SCAPER: variants seen among roughly 807,000 people sequenced by gnomAD.
The protein encoded by SCAPER is S phase cyclin A-associated protein in the endoplasmic reticulum.
A neutral mutation model predicts 182.2 loss-of-function variants in SCAPER; 98 were observed. The ratio of observed to expected loss-of-function variants is 0.54; its 90% CI spans 0.46 to 0.64. The LOEUF is 0.64. Among genes scored for constraint, SCAPER ranks in the 30% least tolerant of loss-of-function variants. The pLI, the probability that SCAPER is intolerant of heterozygous loss-of-function variation, is 0.00. For missense variants in SCAPER, 1,432 were observed against 1,690.0 expected, an observed-to-expected ratio of 0.85 and a Z score of 2.68; for synonymous variants, 605 against 564.6, an observed-to-expected ratio of 1.07 and a Z score of -1.01.
intron 17 of SCAPER, among the ~76,000 whole-genome samples, chr15:76,709,887 C>A (rs927623942): frequency 6.6e-6 from 1 of 152,084 alleles, no homozygotes; most frequent in Non-Finnish European, 1.5e-5. Flanking sequence ...ATGTAACATA[C>A]CATATTAATA....
chr15:76,881,784 G>A (rs1311489518), intron 2 of SCAPER, among the ~76,000 whole-genome samples: 1 of 152,152 alleles, frequency 6.6e-6, no homozygotes, highest in East Asian at 1.9e-4. Flanking sequence ...AAGGAGTTCT[G>A]AAGATGAATA....
intron 21 of SCAPER, among the ~76,000 whole-genome samples, chr15:76,662,151 GAGGGGAACAACACATAC>G (rs2056235581): frequency 6.6e-6 from 1 of 152,120 alleles, no homozygotes; most frequent in Non-Finnish European, 1.5e-5. Context: ...TGGACACAGG[GAGGGGAACAACACATAC>G]AGGGGTCTGT....
At chr15:76,715,246 C>A (rs906876923) in intron 17 of SCAPER, among the ~76,000 whole-genome samples, 21 of 151,900 alleles carry the variant, frequency 1.4e-4, no homozygotes, top group African/African-American at 5.1e-4. Context: ...CTCTGGCACA[C>A]CAAAGTAATT....
chr15:76,511,104 A>G (rs1597114804), intron 23 of SCAPER, among the ~76,000 whole-genome samples: 2 of 152,150 alleles, frequency 1.3e-5, no homozygotes, highest in African/African-American at 2.4e-5. Flanking sequence ...CTCAGGGGGA[A>G]AGGGTAGGAA....
At chr15:76,649,084 G>C (rs2054793404) in intron 21 of SCAPER, among the ~76,000 whole-genome samples, 1 of 149,968 alleles carries the variant, frequency 6.7e-6, no homozygotes, top group South Asian at 2.1e-4. Flanking sequence ...ACCCACTCGA[G>C]CGCCCCTCTC....
intron 24 of SCAPER, among the ~76,000 whole-genome samples, chr15:76,499,870 T>C (rs2040938386): frequency 1.3e-5 from 2 of 152,128 alleles, no homozygotes; most frequent in African/African-American, 4.8e-5. Flanking sequence ...AAATGCCCAA[T>C]AAAATTAATA....
chr15:76,644,273 G>T (rs1051951753), intron 21 of SCAPER, among the ~76,000 whole-genome samples: 2 of 151,988 alleles, frequency 1.3e-5, no homozygotes, highest in Non-Finnish European at 1.5e-5. Context: ...TATTAAGCTG[G>T]ACATTAATTT....
intron 5 of SCAPER, among the ~76,000 whole-genome samples, chr15:76,839,837 T>C (rs776825548): frequency 2.0e-4 from 30 of 152,166 alleles, no homozygotes; most frequent in Non-Finnish European, 3.4e-4. Context: ...TTTCTGCTTA[T>C]CACAAAAAGA....
chr15:76,681,913 T>C (rs1232306939), intron 20 of SCAPER, among the ~76,000 whole-genome samples: 2 of 152,268 alleles, frequency 1.3e-5, no homozygotes, highest in East Asian at 3.9e-4. Context: ...TAGGAGATTT[T>C]AGCCTTAGAG....
intron 24 of SCAPER, among the ~76,000 whole-genome samples, chr15:76,492,807 T>A (rs1317863754): frequency 4.6e-5 from 7 of 151,566 alleles, no homozygotes; most frequent in Non-Finnish European, 7.4e-5. Context: ...TTAGAGAGAT[T>A]ATTCAGTTTT....
At chr15:76,696,496 A>C (rs2058661309) in intron 20 of SCAPER, among the ~76,000 whole-genome samples, 1 of 152,182 alleles carries the variant, frequency 6.6e-6, no homozygotes, top group African/African-American at 2.4e-5. Context: ...TTTTTCTATA[A>C]GTATACAAGG....
At chr15:76,388,385 G>A (rs2043427769) in intron 27 of SCAPER, among the ~76,000 whole-genome samples, 2 of 152,002 alleles carry the variant, frequency 1.3e-5, no homozygotes, top group African/African-American at 4.8e-5. Context: ...GAGCCTAGGA[G>A]TTCAAGGCTG....
chr15:76,550,633 C>T lies in SCAPER; in HGVS notation c.2838+23525G>A, dbSNP rs200921624. ...GGTTGATTCCGTATCTTTTTTATTGCAAATAATGCTGCAATAAACATACGT... is the reference window on the plus strand; with the variant it reads ...GGTTGATTCCGTATCTTTTTTATTGTAAATAATGCTGCAATAAACATACGT... On this transcript the variant is annotated intron_variant, in intron 23 of 31. Transcript: ENST00000563290. Among the ~76,000 whole-genome samples, 34 of 152,138 alleles carry T rather than the reference C, an allele frequency of 2.2e-4. No homozygotes were observed. In the East Asian group the frequency reaches 6.4e-3, roughly 28 times the overall value.
chr15:76,503,767 T>G (rs1252651183), intron 24 of SCAPER, among the ~76,000 whole-genome samples: 1 of 152,204 alleles, frequency 6.6e-6, no homozygotes, highest in African/African-American at 2.4e-5. Context: ...AACCCATGTT[T>G]GTCCTACTCC....
chr15:76,795,240 C>T, intron 8 of SCAPER, 40 bp downstream of exon 8: 1 of 1,583,336 alleles, frequency 6.3e-7, no homozygotes, highest in East Asian at 2.3e-5. Context: ...TATATATCCA[C>T]CTGTTTACTA....
At chr15:76,349,307 T>C (rs1053060553) in intron 31 of SCAPER, 1 of 152,190 alleles carries the variant, frequency 6.6e-6, no homozygotes, top group East Asian at 1.9e-4. Context: ...AATGATGACG[T>C]TTTCTGAAAG....
intron 21 of SCAPER, among the ~76,000 whole-genome samples, chr15:76,632,067 G>C (rs1190283059): frequency 6.6e-6 from 1 of 152,060 alleles, no homozygotes; most frequent in Non-Finnish European, 1.5e-5. Flanking sequence ...TCTTCCCCTT[G>C]ATCTATTTGG....
At chr15:76,888,163 C>T (rs2073957857) in intron 1 of SCAPER, among the ~76,000 whole-genome samples, 1 of 152,170 alleles carries the variant, frequency 6.6e-6, no homozygotes, top group African/African-American at 2.4e-5. Flanking sequence ...ACACCAAAAC[C>T]TCATCTGTAG....
chr15:76,813,132 A>G (rs1179858386), intron 5 of SCAPER, among the ~76,000 whole-genome samples: 1 of 151,536 alleles, frequency 6.6e-6, no homozygotes, highest in East Asian at 1.9e-4. Context: ...TCAATGAGAT[A>G]CAACACATTA....
Sources: gnomAD v4.1 joint callset for allele counts (sites outside exome capture counted in the v4.1 genomes callset) on GRCh38, gnomAD v4.1.1 for gene constraint, MANE v1.5 for transcripts, NCBI Gene and HGNC (gene_info 2026-07-23, HGNC 2026-07-21) for gene names.